Variants in SCN9A observed in about 807,000 individuals in gnomAD.
The protein encoded by SCN9A is sodium channel protein type 9 subunit alpha.
SCN9A carries 131 observed loss-of-function variants against 187.0 expected under a neutral mutation model. That is an observed-to-expected ratio of 0.70 (90% CI 0.61 to 0.81). The LOEUF (loss-of-function observed/expected upper bound fraction) is 0.81. Ranked by LOEUF, SCN9A falls within the 30% of genes least tolerant of loss-of-function variation. The pLI, the probability that SCN9A is intolerant of heterozygous loss-of-function variation, is 0.00. For synonymous variants in SCN9A, 809 were observed against 808.6 expected (o/e 1.00, Z -0.01); for missense variants, 2,252 against 2,396.6 (o/e 0.94, Z 1.26).
chr2:166,315,457 G>T (rs1387881989), intron 1 of SCN9A, among the ~76,000 whole-genome samples: 1 of 152,064 alleles, frequency 6.6e-6, no homozygotes, highest in Non-Finnish European at 1.5e-5. Flanking sequence ...GGCAAAGGGT[G>T]GTCAATGCTA....
At position 166,196,637 on chromosome 2, in the gene SCN9A, G is replaced by C. The variant is rs200781014; in HGVS notation, c.*2035C>G. ...TTAAGGTGATGTTAAATTCTTAATT[G>C]AATGTATTTAAAAATCTGATAAATG... On this transcript the variant is annotated 3_prime_UTR_variant, in exon 27 of 27. Coordinates refer to ENST00000642356, the MANE Select transcript of SCN9A (RefSeq NM_001365536.1). 1 of 152,058 alleles carries C rather than the reference G, an allele frequency of 6.6e-6. No homozygotes were observed. The highest frequency in any genetic ancestry group is 1.5e-5 in the Non-Finnish European group (1 of 67,970). 9.4% of individuals were successfully genotyped at this position (152,058 alleles called of 1,614,324 possible). A position where few individuals can be genotyped will look rare whatever the true frequency, so the allele number is the denominator to read the frequency against.
In SCN9A at chr2:166,327,112, C is replaced by A. The variant is rs556878947; in HGVS notation, c.-50-15306G>T. Among the ~76,000 whole-genome samples, 5 of 152,242 alleles carry A rather than the reference C, an allele frequency of 3.3e-5. No individual in the cohort carries two copies. The East Asian group carries it at 9.6e-4, about 29-fold the overall frequency. On this transcript the variant is annotated intron_variant, in intron 1 of 26. Coordinates refer to ENST00000642356, the MANE Select transcript of SCN9A (RefSeq NM_001365536.1). ...ATTGCGTTTATACCACAGAAGGAGG[C>A]AGCTGTAATATGGGCAGAAAGTATG...
rs199715588 is a variant in SCN9A at position 166,280,401 on chromosome 2, G to T, written c.2299C>A (p.Pro767Thr). 4.5e-5 allele frequency: 71 copies of T among 1,589,192 alleles called. No homozygotes were observed. The highest frequency in any genetic ancestry group is 6.0e-5 in the Non-Finnish European group (70 of 1,166,094). Residue 767 changes from proline to threonine, a missense_variant, in exon 14 of 27, where the codon CCA becomes ACA. Around this residue, in one of 7 missense-constraint regions of SCN9A, gnomAD observed 1,013 missense variants for 997.4 expected, o/e 1.02. Transcript: ENST00000642356. ...ACATTTTTGAATTCCTCAGTCATTG[G>T]GTGGTGTTCCATAGCCATAAATAAT... The part of the protein sequence containing the change: ...NTLFMAMEHH[P>T]MTEEFKNVLA...
intron 1 of SCN9A, among the ~76,000 whole-genome samples, chr2:166,358,853 A>T (rs1450713134): frequency 6.6e-6 from 1 of 152,208 alleles, no homozygotes; most frequent in Non-Finnish European, 1.5e-5. Flanking sequence ...AAAAGAAAAC[A>T]AAACCTTCAC....
chr2:166,265,341 G>T (rs537052830), intron 17 of SCN9A, among the ~76,000 whole-genome samples: 1 of 152,054 alleles, frequency 6.6e-6, no homozygotes, highest in Admixed American at 6.6e-5. Flanking sequence ...TTAACATAAT[G>T]TCCTCCAGGT....
At chr2:166,227,858 T>C in intron 22 of SCN9A, 135 bp from the exon 23 acceptor site, 1 of 624,428 alleles carries the variant, frequency 1.6e-6, no homozygotes, top group Non-Finnish European at 2.9e-6. Flanking sequence ...AACATGTCCA[T>C]TTAATGTAAA....
At chr2:166,263,100 C>T (rs187659378) in intron 17 of SCN9A, among the ~76,000 whole-genome samples, 1 of 151,922 alleles carries the variant, frequency 6.6e-6, no homozygotes, top group Non-Finnish European at 1.5e-5. Flanking sequence ...AAAGGGAGAG[C>T]CTGCATCCAA....
At chr2:166,297,226 A>AAAAAAAAAAAAAAAAAAAAT (rs1698354384) in intron 7 of SCN9A, among the ~76,000 whole-genome samples, 1 of 143,088 alleles carries the variant, frequency 7.0e-6, no homozygotes, top group African/African-American at 2.6e-5. Context: ...AAAAAAAAAA[A>AAAAAAAAAAAAAAAAAAAAT]AGAACCATGA....
intron 1 of SCN9A, among the ~76,000 whole-genome samples, chr2:166,324,104 C>T (rs116037918): frequency 0.025 from 3,730 of 151,772 alleles, 78 homozygotes; most frequent in Non-Finnish European, 0.036. Flanking sequence ...GAGCCTCTTA[C>T]CTGTAAATAA....
intron 6 of SCN9A, 78 bp from the exon 7 acceptor site, chr2:166,303,380 A>G: frequency 8.6e-7 from 1 of 1,163,294 alleles, no homozygotes. Context: ...TTTCCTAGAA[A>G]GTCATGCATT....
Position 166,242,702 on chromosome 2 carries a change from T to C in SCN9A, c.3473-46A>G. The C allele has an allele frequency of 2.1e-6, 3 of 1,418,912 alleles. No homozygotes were observed. In the South Asian group the frequency reaches 4.1e-5, roughly 19 times the overall value. 87.9% of individuals were successfully genotyped at this position (1,418,912 alleles called of 1,614,324 possible). ...GTTAAATCTTGATATTCAGAATAAA[T>C]AAAATTTTTAATACATTATTTAATG... On this transcript the variant is annotated intron_variant, in intron 18 of 26. Transcript: ENST00000642356.
At chr2:166,290,494 C>A (rs997262210) in intron 9 of SCN9A, among the ~76,000 whole-genome samples, 1 of 152,152 alleles carries the variant, frequency 6.6e-6, no homozygotes, top group Admixed American at 6.6e-5. Flanking sequence ...AATTGCCTCA[C>A]TGTCTTCAAA....
intron 26 of SCN9A, 60 bp downstream of exon 26, chr2:166,203,895 G>T: frequency 2.0e-6 from 2 of 1,022,432 alleles, no homozygotes; most frequent in Non-Finnish European, 2.9e-6. Flanking sequence ...ATACTTCCTT[G>T]AGCATAAGTG....
At chr2:166,247,951 T>G (rs1695868118) in intron 18 of SCN9A, among the ~76,000 whole-genome samples, 1 of 151,926 alleles carries the variant, frequency 6.6e-6, no homozygotes, top group Admixed American at 6.6e-5. Flanking sequence ...AGTCTTCAAA[T>G]ACAAAGTAAT....
chr2:166,348,908 T>C (rs1699966114), intron 1 of SCN9A, among the ~76,000 whole-genome samples: 1 of 152,004 alleles, frequency 6.6e-6, no homozygotes, highest in African/African-American at 2.4e-5. Context: ...GGCAGATCAC[T>C]TGAGGTCGGA....
intron 10 of SCN9A, among the ~76,000 whole-genome samples, chr2:166,287,239 G>GA (rs1219009696): frequency 6.6e-6 from 1 of 151,688 alleles, no homozygotes; most frequent in Non-Finnish European, 1.5e-5. Flanking sequence ...ATGAAAAACA[G>GA]AAAAAAAGTC....
At chr2:166,367,945 T>C (rs979910863) in intron 1 of SCN9A, among the ~76,000 whole-genome samples, 1 of 152,268 alleles carries the variant, frequency 6.6e-6, no homozygotes, top group South Asian at 2.1e-4. Context: ...TTACATGATT[T>C]AGTATGTTTG....
chr2:166,357,964 A>G (rs1164101500), intron 1 of SCN9A, among the ~76,000 whole-genome samples: 1 of 147,836 alleles, frequency 6.8e-6, no homozygotes, highest in Non-Finnish European at 1.5e-5. Flanking sequence ...GATTGTTTGC[A>G]CATACCTTCA....
intron 1 of SCN9A, among the ~76,000 whole-genome samples, chr2:166,332,808 A>T (rs1453463158): frequency 1.3e-5 from 2 of 152,008 alleles, no homozygotes; most frequent in African/African-American, 4.8e-5. Context: ...ATGAAATCAC[A>T]GATGTAAATA....
Sources: gnomAD v4.1 joint callset for allele counts (sites outside exome capture counted in the v4.1 genomes callset) on GRCh38, gnomAD v4.1.1 for gene constraint, gnomAD v4.1.1 regional missense constraint, MANE v1.5 for transcripts, NCBI Gene and HGNC (gene_info 2026-07-23, HGNC 2026-07-21) for gene names.